ENPP3: variants seen among roughly 807,000 people sequenced by gnomAD.
ENPP3 encodes ectonucleotide pyrophosphatase/phosphodiesterase 3.
ENPP3 carries 104 observed loss-of-function variants against 117.8 expected under a neutral mutation model. That is an observed-to-expected ratio of 0.88 (90% confidence interval 0.75 to 1.04). The LOEUF (loss-of-function observed/expected upper bound fraction) is 1.04. ENPP3 is among the 50% of genes least tolerant of loss of function. The pLI, the probability that ENPP3 is intolerant of heterozygous loss-of-function variation, is 0.00. For synonymous variants in ENPP3, 380 were observed against 349.9 expected, an observed-to-expected ratio of 1.09 and a Z score of -0.96; for missense variants, 1,026 against 1,051.9, an observed-to-expected ratio of 0.98 and a Z score of 0.34.
chr6:131,685,527 G>A (rs757862894), intron 13 of ENPP3, 32 bp downstream of exon 13: 1 of 1,603,584 alleles, frequency 6.2e-7, no homozygotes, highest in Non-Finnish European at 8.5e-7. Context: ...TGAAAAAAAG[G>A]GTAAACCTGA....
intron 18 of ENPP3, among the ~76,000 whole-genome samples, chr6:131,722,729 CG>C (rs113635082): frequency 1.3e-3 from 195 of 152,270 alleles, no homozygotes; most frequent in African/African-American, 4.5e-3. Flanking sequence ...ATTCTTCCTG[CG>C]GTTTATGAAT....
At position 131,661,277 on chromosome 6, in the gene ENPP3, C is replaced by T. The variant is rs531835264; in HGVS notation, c.562+2857C>T. 5.3e-5 allele frequency among the ~76,000 whole-genome samples: 8 copies of T among 152,016 alleles called. 1 individual carries two copies. In the South Asian group the frequency reaches 6.2e-4, roughly 12 times the overall value. ...GCTGGATCATATACTTTTATTTTTA[C>T]GTTTTTGAGAAACCTCCATGCCATT... On this transcript the variant is annotated intron_variant, in intron 6 of 24. Coordinates refer to ENST00000357639, the MANE Select transcript of ENPP3 (RefSeq NM_005021.5).
chr6:131,685,164 T>C (rs1371861461), intron 12 of ENPP3, among the ~76,000 whole-genome samples, 200 bp from the exon 13 acceptor site: 1 of 152,200 alleles, frequency 6.6e-6, no homozygotes, highest in East Asian at 1.9e-4. Context: ...ATGATACCCA[T>C]CTGTTCTTCC....
chr6:131,722,005 G>A (rs1302359931), intron 17 of ENPP3, among the ~76,000 whole-genome samples: 1 of 152,150 alleles, frequency 6.6e-6, no homozygotes, highest in Admixed American at 6.5e-5. Flanking sequence ...GACTACAGGT[G>A]CACTGCCGCA....
intron 10 of ENPP3, among the ~76,000 whole-genome samples, chr6:131,677,076 A>C (rs1778885176): frequency 6.6e-6 from 1 of 151,958 alleles, no homozygotes. Flanking sequence ...TCTCTAAAAA[A>C]ATGTAAAGAA....
chr6:131,671,394 G>A, intron 7 of ENPP3, 67 bp downstream of exon 7: 1 of 940,458 alleles, frequency 1.1e-6, no homozygotes, highest in Non-Finnish European at 1.7e-6. Flanking sequence ...AGACATGTTT[G>A]GGCAGGAACT....
intron 5 of ENPP3, among the ~76,000 whole-genome samples, chr6:131,654,322 G>A (rs1038423857): frequency 1.3e-5 from 2 of 151,540 alleles, no homozygotes; most frequent in African/African-American, 2.4e-5. Flanking sequence ...TATTTTTTTT[G>A]TACAGACAGG....
chr6:131,661,167 T>C (rs1431159760), intron 6 of ENPP3, among the ~76,000 whole-genome samples: 2 of 152,202 alleles, frequency 1.3e-5, no homozygotes, highest in Admixed American at 6.5e-5. Flanking sequence ...TTGGCTCTTA[T>C]GAGTAGTGCT....
intron 7 of ENPP3, among the ~76,000 whole-genome samples, chr6:131,673,775 T>C (rs911694022): frequency 4.6e-5 from 7 of 152,090 alleles, no homozygotes; most frequent in African/African-American, 1.7e-4. Flanking sequence ...ACTGAACATG[T>C]ACAGACTTTT....
rs889853475 is a variant in ENPP3, at chr6:131,674,281, A to G, written c.762A>G (p.Pro254=). Residue 254 remains proline (P), a splice_region_variant and synonymous_variant, in exon 8 of 25, where the codon CCA becomes CCG. Transcript: ENST00000357639. The part of the protein sequence containing the change: ...QNNPAWWHGQ[P]MWLTAMYQGL... ...ATCCAGCCTGGTGGCATGGGCAACC[A>G]GTATGTAGCATTCTACACGTCGCAA... 6.2e-7 allele frequency: 1 copy of G among 1,613,660 alleles called. No individual in the cohort carries two copies. Among genetic ancestry groups the G allele is most frequent in the Non-Finnish European group, 8.5e-7 (1 of 1,179,732 alleles).
intron 14 of ENPP3, among the ~76,000 whole-genome samples, chr6:131,693,017 TG>T (rs1485804721): frequency 2.1e-5 from 3 of 144,338 alleles, no homozygotes; most frequent in African/African-American, 7.6e-5. Flanking sequence ...ATAATATATA[TG>T]GTTATATATG....
chr6:131,671,348 T>C (rs1405483601), intron 7 of ENPP3, 21 bp downstream of exon 7: 3 of 1,473,804 alleles, frequency 2.0e-6, no homozygotes, highest in Non-Finnish European at 2.8e-6. Context: ...GACCCAGTGG[T>C]AAGACAGGCC....
intron 24 of ENPP3, 119 bp downstream of exon 24, chr6:131,740,499 A>C: frequency 1.6e-6 from 1 of 637,468 alleles, no homozygotes; most frequent in South Asian, 3.4e-5. Flanking sequence ...AAAAGTTATA[A>C]CACAAATGAC....
At chr6:131,661,305 C>G (rs888923813) in intron 6 of ENPP3, among the ~76,000 whole-genome samples, 10 of 152,038 alleles carry the variant, frequency 6.6e-5, no homozygotes, top group African/African-American at 2.2e-4. Context: ...ATGCCATTTT[C>G]CATAGCAGCT....
At chr6:131,674,378 C>T (rs1394258607) in intron 8 of ENPP3, 97 bp downstream of exon 8, 3 of 1,212,416 alleles carry the variant, frequency 2.5e-6, no homozygotes, top group African/African-American at 1.5e-5. Context: ...TTCTATGTCA[C>T]CCATCTAGTT....
At chr6:131,723,707 G>T (rs1216142133) in intron 18 of ENPP3, among the ~76,000 whole-genome samples, 1 of 152,078 alleles carries the variant, frequency 6.6e-6, no homozygotes, top group Non-Finnish European at 1.5e-5. Flanking sequence ...GCATATTAAA[G>T]CTTAAGGAGC....
At chr6:131,669,611 A>G (rs9493044) in intron 6 of ENPP3, among the ~76,000 whole-genome samples, 12,265 of 141,624 alleles carry the variant, frequency 0.087, 1,194 homozygotes, top group African/African-American at 0.25. Flanking sequence ...AGCCGAGATC[A>G]CGCCACTGCA....
intron 17 of ENPP3, among the ~76,000 whole-genome samples, chr6:131,721,107 C>G (rs927275785): frequency 1.2e-4 from 18 of 152,270 alleles, no homozygotes; most frequent in African/African-American, 4.3e-4. Context: ...TGTTATTATA[C>G]TCAATGTTAA....
intron 15 of ENPP3, among the ~76,000 whole-genome samples, chr6:131,696,544 A>G (rs765142673): frequency 3.3e-5 from 5 of 152,318 alleles, no homozygotes; most frequent in Admixed American, 6.5e-5. Flanking sequence ...TCGGTTGTAC[A>G]GTGGCATCCT....
Sources: allele counts gnomAD v4.1 joint callset (sites outside exome capture counted in the v4.1 genomes callset), GRCh38; gene constraint gnomAD v4.1.1; transcripts MANE v1.5; gene names NCBI Gene and HGNC (gene_info 2026-07-23, HGNC 2026-07-21).